The following PCDHGA6 variants were observed in gnomAD, a reference collection of about 807,000 sequenced individuals.
The protein encoded by PCDHGA6 is protocadherin gamma-A6.
PCDHGA6 carries 41 observed loss-of-function variants against 60.6 expected under a neutral mutation model. The ratio of observed to expected loss-of-function variants is 0.68; its 90% CI spans 0.53 to 0.88. PCDHGA6 has a LOEUF of 0.88. Among genes scored for constraint, PCDHGA6 ranks in the 40% least tolerant of loss-of-function variants. The pLI, the probability that PCDHGA6 is intolerant of heterozygous loss-of-function variation, is 0.00. For synonymous variants in PCDHGA6, 594 were observed against 524.4 expected, an observed-to-expected ratio of 1.13 and a Z score of -1.81; for missense variants, 1,312 against 1,203.0, an observed-to-expected ratio of 1.09 and a Z score of -1.34.
chr5:141,380,674 T>G (rs1293551834), intron 1 of PCDHGA6, among the ~76,000 whole-genome samples: 1 of 152,262 alleles, frequency 6.6e-6, no homozygotes, highest in South Asian at 2.1e-4. Flanking sequence ...CCATAGGGTA[T>G]GTATGCTTTG....
intron 3 of PCDHGA6, 110 bp downstream of exon 3, chr5:141,505,591 G>T: frequency 6.4e-7 from 1 of 1,570,280 alleles, no homozygotes; most frequent in Non-Finnish European, 8.7e-7. Flanking sequence ...AGTTTCTCCA[G>T]ATCTTTCGGC....
At chr5:141,395,092 C>CT (rs2093168204) in intron 1 of PCDHGA6, 4 of 1,614,088 alleles carry the variant, frequency 2.5e-6, no homozygotes, top group Non-Finnish European at 3.4e-6. Context: ...GTCTCCCTCA[C>CT]CGCCGACTCG....
Position 141,489,764 on chromosome 5 carries a change from A to G in PCDHGA6, c.2425-5043A>G. ...GTGAGCTTTTACACTCTAAGCCCCA[A>G]CAGCCACTTCTCTCTGAATGTGAAG... is the stretch of plus-strand genomic sequence containing the variant. On this transcript the variant is annotated intron_variant, in intron 1 of 3. Transcript: ENST00000517434. The surrounding 1 kb of genome is among the most constrained non-coding windows in gnomAD (Gnocchi z 4.5). 2 of 1,613,556 alleles carry G rather than the reference A, an allele frequency of 1.2e-6. No homozygotes were observed. The highest frequency in any genetic ancestry group is 1.7e-6 in the Non-Finnish European group (2 of 1,179,894).
At chr5:141,421,184 C>T (rs2096551183) in intron 1 of PCDHGA6, 4 of 1,457,822 alleles carry the variant, frequency 2.7e-6, no homozygotes, top group Non-Finnish European at 3.7e-6. Context: ...CGATTCACAA[C>T]CAACCAGCTC....
intron 2 of PCDHGA6, among the ~76,000 whole-genome samples, chr5:141,499,612 C>T (rs1489412444): frequency 6.6e-6 from 1 of 151,968 alleles, no homozygotes; most frequent in African/African-American, 2.4e-5. Context: ...TACCCTTATC[C>T]TGTCCTTGGA....
intron 1 of PCDHGA6, among the ~76,000 whole-genome samples, chr5:141,450,649 G>A (rs2098689040): frequency 6.6e-6 from 1 of 151,674 alleles, no homozygotes; most frequent in African/African-American, 2.4e-5. Flanking sequence ...ACCATGCCTG[G>A]CTAATTTTTG....
In PCDHGA6 at chr5:141,511,364, T is replaced by C. The variant is rs115159796; in HGVS notation, c.*191T>C. The C allele has an allele frequency of 4.6e-4, 610 of 1,317,098 alleles. 5 individuals are homozygous for C. In the African/African-American group the frequency reaches 7.1e-3, roughly 15 times the overall value. The allele number at this position is 1,317,098 out of a possible 1,614,324, so 81.6% of individuals were successfully genotyped here. On this transcript the variant is annotated 3_prime_UTR_variant, in exon 4 of 4. Coordinates refer to ENST00000517434, the MANE Select transcript of PCDHGA6 (RefSeq NM_018919.3). ...ACCCCTTCCCCCCCAGGGGGTTGAA[T>C]ATGCAAAAGCAGTTCCGCTGGGAAC...
At chr5:141,419,301 T>G in intron 1 of PCDHGA6, 6 of 1,613,998 alleles carry the variant, frequency 3.7e-6, no homozygotes, top group Non-Finnish European at 5.1e-6. Context: ...GACCCAGACT[T>G]CGGGCTCAAC....
At position 141,432,463 on chromosome 5, in the gene PCDHGA6, C is replaced by T; in HGVS notation, c.2424+55956C>T. ...CCGAGATCCTGTACCCCGCCCTCCC[C>T]ACGGACGGTTCCACTGGCGTGGAGC... On this transcript the variant is annotated intron_variant, in intron 1 of 3. Transcript: ENST00000517434. The surrounding 1 kb of genome is among the most constrained non-coding windows in gnomAD (Gnocchi z 6.0). 6.2e-7 allele frequency: 1 copy of T among 1,614,238 alleles called. No individual in the cohort carries two copies. The highest frequency in any genetic ancestry group is 1.1e-5 in the South Asian group (1 of 91,084).
In PCDHGA6 at chr5:141,431,149, G is replaced by A. The variant is rs150692324; in HGVS notation, c.2424+54642G>A. Reference sequence around the variant, plus strand: ...AAGTAAGGGACATTAACGACAATGCGCCTTACTTTCGTGAAAGTGAATTAG... The same window carrying A: ...AAGTAAGGGACATTAACGACAATGCACCTTACTTTCGTGAAAGTGAATTAG... On this transcript the variant is annotated intron_variant, in intron 1 of 3. Coordinates refer to ENST00000517434, the MANE Select transcript of PCDHGA6 (RefSeq NM_018919.3). This position sits in a 1 kb window ranked among gnomAD's most constrained non-coding sequence, Gnocchi z 4.8. The A allele has an allele frequency of 3.7e-4, 605 of 1,614,210 alleles. No individual in the cohort carries two copies. Among genetic ancestry groups the A allele is most frequent in the Non-Finnish European group, 4.7e-4 (552 of 1,180,020 alleles).
chr5:141,455,343 G>T (rs1462807460), intron 1 of PCDHGA6, among the ~76,000 whole-genome samples: 1 of 152,036 alleles, frequency 6.6e-6, no homozygotes, highest in Non-Finnish European at 1.5e-5. Flanking sequence ...TTTAAGGAGC[G>T]GAGAGTTTAA....
At chr5:141,409,330 C>T (rs920851409) in intron 1 of PCDHGA6, 1 of 1,613,836 alleles carries the variant, frequency 6.2e-7, no homozygotes, top group African/African-American at 1.3e-5. Flanking sequence ...ATCTGGATTT[C>T]GGAGGAAATG....
At chr5:141,409,331 G>A (rs1447189643) in intron 1 of PCDHGA6, 1 of 1,613,818 alleles carries the variant, frequency 6.2e-7, no homozygotes, top group African/African-American at 1.3e-5. Context: ...TCTGGATTTC[G>A]GAGGAAATGG....
intron 1 of PCDHGA6, chr5:141,383,690 T>C: frequency 1.9e-6 from 3 of 1,614,010 alleles, no homozygotes; most frequent in Non-Finnish European, 2.5e-6. Flanking sequence ...CTGCTCACGG[T>C]ACATGCTATC....
At chr5:141,398,500 G>A (rs1366423528) in intron 1 of PCDHGA6, 1 of 1,607,950 alleles carries the variant, frequency 6.2e-7, no homozygotes, top group African/African-American at 1.4e-5. Context: ...GGAGATCGAG[G>A]ACATTAATGA....
At chr5:141,400,431 A>T (rs542969819) in intron 1 of PCDHGA6, 1 of 1,614,034 alleles carries the variant, frequency 6.2e-7, no homozygotes. Context: ...GTAGTGAGCA[A>T]TTGAGTTCAG....
intron 1 of PCDHGA6, among the ~76,000 whole-genome samples, chr5:141,455,998 T>C (rs1301217416): frequency 2.6e-5 from 4 of 151,692 alleles, no homozygotes; most frequent in Non-Finnish European, 4.4e-5. Flanking sequence ...CTCGGGTTCA[T>C]GCCATTCTCC....
rs1001719735 is a variant in PCDHGA6 at position 141,512,055 on chromosome 5, TGAC to T, written c.*883_*885del. 10 of 152,698 alleles carry T rather than the reference TGAC, an allele frequency of 6.5e-5. No homozygotes were observed. The highest frequency in any genetic ancestry group is 1.4e-4 in the African/African-American group (6 of 41,450). 9.5% of individuals were successfully genotyped at this position (152,698 alleles called of 1,614,324 possible). On this transcript the variant is annotated 3_prime_UTR_variant, in exon 4 of 4. Coordinates refer to ENST00000517434, the MANE Select transcript of PCDHGA6 (RefSeq NM_018919.3). ...GAGGCTCTGTATGTCCTCAGGGGACTGACAACATCCTCCAGATTCCAGCCATAA... is the reference window on the plus strand; with the variant it reads ...GAGGCTCTGTATGTCCTCAGGGGACTAACATCCTCCAGATTCCAGCCATAA...
At chr5:141,484,362 A>T (rs1460176695) in intron 1 of PCDHGA6, among the ~76,000 whole-genome samples, 1 of 152,196 alleles carries the variant, frequency 6.6e-6, no homozygotes, top group Non-Finnish European at 1.5e-5. Context: ...TATCTAGTGT[A>T]TCACTAGCAA....
Sources: allele counts gnomAD v4.1 joint callset (sites outside exome capture counted in the v4.1 genomes callset), GRCh38; gene constraint gnomAD v4.1.1; non-coding constraint Gnocchi (gnomAD v3.1); transcripts MANE v1.5; gene names NCBI Gene and HGNC (gene_info 2026-07-23, HGNC 2026-07-21).